ZNF804B: variants seen among roughly 807,000 people sequenced by gnomAD.
ZNF804B encodes the protein zinc finger 804B.
Under a neutral mutation model 101.4 loss-of-function variants are expected in ZNF804B, and 80 were observed. That is an observed-to-expected ratio of 0.79 (90% confidence interval 0.66 to 0.95). The LOEUF is 0.95. Among genes scored for constraint, ZNF804B ranks in the 40% least tolerant of loss-of-function variants. The pLI is 0.00. For synonymous variants in ZNF804B, 622 were observed against 558.8 expected (o/e 1.11, Z -1.59); for missense variants, 1,673 against 1,561.9 (o/e 1.07, Z -1.20).
At chr7:89,083,711 T>A (rs552295316) in intron 1 of ZNF804B, among the ~76,000 whole-genome samples, 3 of 151,926 alleles carry the variant, frequency 2.0e-5, no homozygotes, top group Non-Finnish European at 4.4e-5. Context: ...TGAAACATAT[T>A]GAGACCGTTA....
chr7:89,333,896 A>G lies in ZNF804B; in HGVS notation c.914A>G (p.Asp305Gly), dbSNP rs111719576. 1 of 1,613,508 alleles carries G rather than the reference A, an allele frequency of 6.2e-7. No homozygotes were observed. Among genetic ancestry groups the G allele is most frequent in the Non-Finnish European group, 8.5e-7 (1 of 1,179,728 alleles). Residue 305 changes from aspartate (D) to glycine (G), a missense_variant, in exon 4 of 4, where the codon GAC becomes GGC. Coordinates refer to ENST00000333190, the MANE Select transcript of ZNF804B (RefSeq NM_181646.5). ...TCCATAAACTCTAAAATTTTGCAAGACAAACACGACTCTATTGATGAGACA... is the reference window on the plus strand; with the variant it reads ...TCCATAAACTCTAAAATTTTGCAAGGCAAACACGACTCTATTGATGAGACA... ...TISINSKILQ[D>G]KHDSIDETLE...
At chr7:88,798,483 T>A (rs1790525847) in intron 1 of ZNF804B, among the ~76,000 whole-genome samples, 1 of 152,126 alleles carries the variant, frequency 6.6e-6, no homozygotes, top group Non-Finnish European at 1.5e-5. Flanking sequence ...TTCAAACTAA[T>A]ACATTCAGAA....
rs1790527956 is a variant in ZNF804B, at chr7:88,798,590, C to T, written c.108+38506C>T. 1.3e-5 allele frequency among the ~76,000 whole-genome samples: 2 copies of T among 151,950 alleles called. 1 individual carries two copies. The highest frequency in any genetic ancestry group is 4.1e-4 in the South Asian group (2 of 4,834). On this transcript the variant is annotated intron_variant, in intron 1 of 3. Coordinates refer to ENST00000333190, the MANE Select transcript of ZNF804B (RefSeq NM_181646.5). ...AAATTATTTTTTTGCTATTGGGTTG[C>T]TTCCTAAAAATTTTAGCTTCATTGT... is the stretch of plus-strand genomic sequence containing the variant.
Position 89,333,456 on chromosome 7 carries a change from G to T in ZNF804B, c.474G>T (p.Lys158Asn), listed in dbSNP as rs1396380791. 1.2e-6 allele frequency: 2 copies of T among 1,613,080 alleles called. No individual in the cohort carries two copies. Among genetic ancestry groups the T allele is most frequent in the Non-Finnish European group, 1.7e-6 (2 of 1,179,468 alleles). ...TTTTCCCCATTAAGAATGGCAGAAA[G>T]GTATCATGCATGAAGAGTGCTCTTC... ...QGIFPIKNGR[K>N]VSCMKSALLL... Residue 158 changes from lysine (K) to asparagine (N), a missense_variant, in exon 4 of 4, where the codon AAG becomes AAT. Coordinates refer to ENST00000333190, the MANE Select transcript of ZNF804B (RefSeq NM_181646.5).
Position 89,337,032 on chromosome 7 carries a change from A to G in ZNF804B, c.4050A>G (p.Ter1350=), listed in dbSNP as rs1562745692. 2 of 1,611,704 alleles carry G rather than the reference A, an allele frequency of 1.2e-6. No individual in the cohort carries two copies. The highest frequency in any genetic ancestry group is 1.1e-5 in the South Asian group (1 of 90,942). ...TAAATGTGTCCACACACTTGAACTA[A>G]TAAGTGTTAAAGCCCCTCCTGTGGA... The part of the protein sequence containing the change: ...EALNVSTHLN[*] Residue 1350 remains the stop codon, a stop_retained_variant, in exon 4 of 4, where the codon TAA becomes TAG. Coordinates refer to ENST00000333190, the MANE Select transcript of ZNF804B (RefSeq NM_181646.5).
chr7:88,761,264 C>G (rs1236349804), intron 1 of ZNF804B, among the ~76,000 whole-genome samples: 1 of 152,132 alleles, frequency 6.6e-6, no homozygotes, highest in Non-Finnish European at 1.5e-5. Context: ...CCTTCACATG[C>G]TTTTATGTAC....
At position 89,334,349 on chromosome 7, in the gene ZNF804B, A is replaced by C; in HGVS notation, c.1367A>C (p.Gln456Pro). 3 of 1,613,884 alleles carry C rather than the reference A, an allele frequency of 1.9e-6. No individual in the cohort carries two copies. The South Asian group carries it at 3.3e-5, about 18-fold the overall frequency. Reference sequence around the variant, plus strand: ...AGCAAGGATGGCCACACCACTCTTCAATGGCCTACGGAACTTCTGCTCTTT... The same window carrying C: ...AGCAAGGATGGCCACACCACTCTTCCATGGCCTACGGAACTTCTGCTCTTT... ...VQSKDGHTTL[Q>P]WPTELLLFTK... The change falls in exon 4 of 4, where the codon CAA (glutamine) becomes CCA (proline). Residue 456 changes from glutamine (Q) to proline (P), a missense_variant. Coordinates refer to ENST00000333190, the MANE Select transcript of ZNF804B (RefSeq NM_181646.5).
intron 1 of ZNF804B, among the ~76,000 whole-genome samples, chr7:89,176,147 A>C (rs1041602125): frequency 1.3e-5 from 2 of 151,926 alleles, no homozygotes; most frequent in African/African-American, 4.8e-5. Flanking sequence ...ATCTTAGAGG[A>C]AAGGCTTTCA....
intron 1 of ZNF804B, among the ~76,000 whole-genome samples, chr7:89,078,674 T>A (rs982546202): frequency 6.6e-6 from 1 of 151,744 alleles, no homozygotes. Context: ...TTACCTCTCT[T>A]ACATATTTTC....
chr7:89,007,083 T>A (rs1788377712), intron 1 of ZNF804B, among the ~76,000 whole-genome samples: 1 of 152,120 alleles, frequency 6.6e-6, no homozygotes, highest in South Asian at 2.1e-4. Flanking sequence ...TTTCAATGCC[T>A]AAGTTTCCTT....
At chr7:89,067,828 C>CTTTTT (rs112256863) in intron 1 of ZNF804B, among the ~76,000 whole-genome samples, 9 of 132,804 alleles carry the variant, frequency 6.8e-5, no homozygotes, top group East Asian at 4.5e-4. Context: ...CTTTTCTTTT[C>CTTTTT]TTTTTTTTTT....
intron 1 of ZNF804B, among the ~76,000 whole-genome samples, chr7:89,198,469 T>C (rs1341727940): frequency 3.3e-5 from 5 of 152,042 alleles, no homozygotes; most frequent in African/African-American, 9.6e-5. Flanking sequence ...ATAGAATCAA[T>C]TAGATCACAT....
chr7:88,824,914 A>G lies in ZNF804B; in HGVS notation c.108+64830A>G, dbSNP rs528334496. 3.9e-5 allele frequency among the ~76,000 whole-genome samples: 6 copies of G among 152,328 alleles called. No homozygotes were observed. In the East Asian group the frequency reaches 1.2e-3, roughly 29 times the overall value. On this transcript the variant is annotated intron_variant, in intron 1 of 3. Transcript: ENST00000333190. ...TTAGAATAAATAGCTAATGGGTTAT[A>G]AAAGTTCTGAATGGAGAAGGCAATC...
At chr7:89,171,310 C>T (rs1307420228) in intron 1 of ZNF804B, among the ~76,000 whole-genome samples, 1 of 115,496 alleles carries the variant, frequency 8.7e-6, no homozygotes, top group Non-Finnish European at 1.9e-5. Flanking sequence ...TCTTCTTCTT[C>T]TTCTTCTTCT....
At chr7:89,033,669 A>AC (rs1224307703) in intron 1 of ZNF804B, among the ~76,000 whole-genome samples, 1 of 152,176 alleles carries the variant, frequency 6.6e-6, no homozygotes, top group Non-Finnish European at 1.5e-5. Flanking sequence ...GTAAAAAAAA[A>AC]ATTATGTAAA....
At position 89,335,562 on chromosome 7, in the gene ZNF804B, G is replaced by A. The variant is rs1791066242; in HGVS notation, c.2580G>A (p.Glu860=). The part of the protein sequence containing the change: ...QHDRLDSYSI[E]KMYYLNKSKR... ...ACAGATTGGACTCTTACTCAATAGA[G>A]AAAATGTATTACTTGAATAAAAGCA... is the stretch of plus-strand genomic sequence containing the variant. The change falls in exon 4 of 4, where the codon GAG becomes GAA. Residue 860 remains glutamate (E), a synonymous_variant. Transcript: ENST00000333190. 2 of 1,613,798 alleles carry A rather than the reference G, an allele frequency of 1.2e-6. No homozygotes were observed. Among genetic ancestry groups the A allele is most frequent in the South Asian group, 1.1e-5 (1 of 91,090 alleles).
intron 2 of ZNF804B, among the ~76,000 whole-genome samples, chr7:89,297,423 C>A (rs1418904038): frequency 6.6e-6 from 1 of 151,992 alleles, no homozygotes; most frequent in East Asian, 1.9e-4. Context: ...ATGAAGCATT[C>A]ATTTTAGTCA....
At chr7:89,220,661 T>G (rs1301595282) in intron 2 of ZNF804B, among the ~76,000 whole-genome samples, 1 of 151,974 alleles carries the variant, frequency 6.6e-6, no homozygotes, top group African/African-American at 2.4e-5. Flanking sequence ...TTGATTATTA[T>G]CTAACCTAAA....
chr7:88,781,275 T>C (rs1306949306), intron 1 of ZNF804B, among the ~76,000 whole-genome samples: 1 of 152,208 alleles, frequency 6.6e-6, no homozygotes, highest in Admixed American at 6.6e-5. Context: ...GTTATCTGAA[T>C]TGGCATTCAA....
Sources: gnomAD v4.1 joint callset for allele counts (sites outside exome capture counted in the v4.1 genomes callset) on GRCh38, gnomAD v4.1.1 for gene constraint, MANE v1.5 for transcripts, NCBI Gene and HGNC (gene_info 2026-07-23, HGNC 2026-07-21) for gene names.